NEIL3: variants seen among roughly 807,000 people sequenced by gnomAD.
The protein encoded by NEIL3 is nei like DNA glycosylase 3.
A neutral mutation model predicts 57.5 loss-of-function variants in NEIL3; 48 were observed. The observed-to-expected ratio is 0.83, with a 90% CI of 0.66 to 1.06. NEIL3 has a LOEUF of 1.06. NEIL3 is among the 50% of genes least tolerant of loss of function. NEIL3 has a pLI of 0.00. For synonymous variants in NEIL3, 261 were observed against 253.2 expected (o/e 1.03, Z -0.29); for missense variants, 717 against 739.1 (o/e 0.97, Z 0.35).
At chr4:177,368,010 G>A in the NEIL3 span, among the ~76,000 whole-genome samples, 1 of 152,190 alleles carries the variant, frequency 6.6e-6, no homozygotes, top group Admixed American at 6.5e-5. Context: ...ACAAGCCATG[G>A]TTTGAATGAA....
At chr4:177,327,344 G>A (rs893555567) in intron 2 of NEIL3, among the ~76,000 whole-genome samples, 2 of 151,932 alleles carry the variant, frequency 1.3e-5, no homozygotes, top group African/African-American at 2.4e-5. Flanking sequence ...TATACTTTTA[G>A]TATTTTCTAT....
rs139281889 is a variant in NEIL3 at position 177,311,224 on chromosome 4, C to A, written c.156+1115C>A. ...ACCTGGGGAGCAAAAACAAATACTT[C>A]CTCTTTTGGAGCCTATACTTCAGTT... On this transcript the variant is annotated intron_variant, in intron 1 of 9. Transcript: ENST00000264596. Among the ~76,000 whole-genome samples the A allele has an allele frequency of 1.8e-3, 280 of 152,144 alleles. 2 individuals are homozygous for A. The highest frequency in any genetic ancestry group is 3.4e-3 in the Middle Eastern group (1 of 294).
At chr4:177,323,182 A>G (rs933509243) in intron 2 of NEIL3, among the ~76,000 whole-genome samples, 1 of 152,204 alleles carries the variant, frequency 6.6e-6, no homozygotes, top group Non-Finnish European at 1.5e-5. Context: ...ATTGTGATGC[A>G]TGATCACATG....
At chr4:177,326,816 T>C (rs1018523231) in intron 2 of NEIL3, among the ~76,000 whole-genome samples, 8 of 152,208 alleles carry the variant, frequency 5.3e-5, no homozygotes, top group African/African-American at 1.9e-4. Flanking sequence ...GGGTACTTTT[T>C]TAAAATTTGA....
At chr4:177,370,437 A>C in the NEIL3 span, among the ~76,000 whole-genome samples, 1 of 152,224 alleles carries the variant, frequency 6.6e-6, no homozygotes, top group South Asian at 2.1e-4. Context: ...AAGTAGTTCC[A>C]GAGTCACATT....
At chr4:177,315,822 A>G (rs1193568914) in intron 1 of NEIL3, among the ~76,000 whole-genome samples, 1 of 152,208 alleles carries the variant, frequency 6.6e-6, no homozygotes, top group Non-Finnish European at 1.5e-5. Context: ...TATCCCAAGT[A>G]TATTATCCAG....
downstream of NEIL3, among the ~76,000 whole-genome samples, chr4:177,363,925 A>G (rs976065673): frequency 9.9e-5 from 15 of 151,938 alleles, no homozygotes; most frequent in African/African-American, 3.4e-4. Flanking sequence ...TAATTTTTGT[A>G]TTTTTTGTAG....
rs35737622 is a variant in NEIL3 at position 177,335,824 on chromosome 4, T to TAA, written c.413+9_413+10dup. 2.6e-6 allele frequency: 4 copies of TAA among 1,525,592 alleles called. No individual in the cohort carries two copies. Among genetic ancestry groups the TAA allele is most frequent in the Non-Finnish European group, 3.5e-6 (4 of 1,141,980 alleles). 94.5% of individuals were successfully genotyped at this position (1,525,592 alleles called of 1,614,324 possible). Reference sequence around the variant, plus strand: ...CTTTGACTCATCAGTAGAACTCAGGTAAAAAAAATTAAATAAAAGTACTTA... The same window carrying TAA: ...CTTTGACTCATCAGTAGAACTCAGGTAAAAAAAAAATTAAATAAAAGTACTTA... On this transcript the variant is annotated splice_region_variant and intron_variant, in intron 3 of 9. Transcript: ENST00000264596.
chr4:177,332,524 A>T (rs1456007441), intron 2 of NEIL3, among the ~76,000 whole-genome samples: 1 of 152,164 alleles, frequency 6.6e-6, no homozygotes, highest in Non-Finnish European at 1.5e-5. Context: ...CCAGCAGCTT[A>T]AAGACTTTTT....
chr4:177,358,615 T>G (rs997982332), intron 8 of NEIL3, among the ~76,000 whole-genome samples: 2 of 152,164 alleles, frequency 1.3e-5, no homozygotes, highest in African/African-American at 4.8e-5. Context: ...CCTGTGGCTA[T>G]GTTTTTAATT....
At chr4:177,311,248 T>A (rs1404430134) in intron 1 of NEIL3, among the ~76,000 whole-genome samples, 3 of 152,102 alleles carry the variant, frequency 2.0e-5, no homozygotes, top group Non-Finnish European at 4.4e-5. Flanking sequence ...TATACTTCAG[T>A]TGGGAAGACA....
intron 2 of NEIL3, among the ~76,000 whole-genome samples, chr4:177,331,010 A>T (rs1196751865): frequency 6.6e-6 from 1 of 152,234 alleles, no homozygotes; most frequent in Non-Finnish European, 1.5e-5. Flanking sequence ...TTGAATAGAA[A>T]TAGGACACTA....
At chr4:177,340,739 A>T (rs550959817) in intron 5 of NEIL3, among the ~76,000 whole-genome samples, 9 of 152,248 alleles carry the variant, frequency 5.9e-5, no homozygotes, top group African/African-American at 2.2e-4. Flanking sequence ...TTCAGCTCAT[A>T]CGTGGTGAGC....
In NEIL3 at chr4:177,357,304, C is replaced by T. The variant is rs558602612; in HGVS notation, c.1461-3199C>T. 1.1e-4 allele frequency among the ~76,000 whole-genome samples: 17 copies of T among 152,212 alleles called. No individual in the cohort carries two copies. In the East Asian group the frequency reaches 1.5e-3, roughly 14 times the overall value. On this transcript the variant is annotated intron_variant, in intron 8 of 9. Coordinates refer to ENST00000264596, the MANE Select transcript of NEIL3 (RefSeq NM_018248.3). The stretch of plus-strand genomic sequence containing the variant: ...TCCAACCATAGGCTTGTGGGCTGGA[C>T]GGCTTTGAATGCAGCCCAACACAAA...
chr4:177,328,879 G>A (rs1166313184), intron 2 of NEIL3, among the ~76,000 whole-genome samples: 1 of 152,116 alleles, frequency 6.6e-6, no homozygotes, highest in Admixed American at 6.5e-5. Context: ...TAGTACAAAT[G>A]AGATAGGAAA....
intron 6 of NEIL3, among the ~76,000 whole-genome samples, chr4:177,346,467 C>T (rs576913160): frequency 4.3e-4 from 66 of 152,286 alleles, no homozygotes; most frequent in Admixed American, 5.9e-4. Context: ...CCGTGCCAGC[C>T]GACTCAGTTG....
At position 177,335,834 on chromosome 4, in the gene NEIL3, TAAATA is replaced by T; in HGVS notation, c.413+16_413+20del. On this transcript the variant is annotated intron_variant, in intron 3 of 9. Coordinates refer to ENST00000264596, the MANE Select transcript of NEIL3 (RefSeq NM_018248.3). ...TCAGTAGAACTCAGGTAAAAAAAAT[TAAATA>T]AAAGTACTTACGCTGCAATACTGCA... The T allele has an allele frequency of 6.6e-7, 1 of 1,524,168 alleles. No homozygotes were observed. Among genetic ancestry groups the T allele is most frequent in the Non-Finnish European group, 8.8e-7 (1 of 1,141,166 alleles). 94.4% of individuals were successfully genotyped at this position (1,524,168 alleles called of 1,614,324 possible).
intron 2 of NEIL3, among the ~76,000 whole-genome samples, 166 bp downstream of exon 2, chr4:177,322,746 C>A (rs1734711988): frequency 6.6e-6 from 1 of 152,100 alleles, no homozygotes; most frequent in Non-Finnish European, 1.5e-5. Context: ...CAATAAACAG[C>A]AGAAGAATAA....
intron 1 of NEIL3, among the ~76,000 whole-genome samples, chr4:177,318,847 G>A (rs1366702460): frequency 2.6e-5 from 4 of 152,066 alleles, no homozygotes; most frequent in African/African-American, 7.2e-5. Flanking sequence ...AACTCCACGA[G>A]GGCAGCTGGT....
Sources: gnomAD v4.1 joint callset for allele counts (sites outside exome capture counted in the v4.1 genomes callset) on GRCh38, gnomAD v4.1.1 for gene constraint, MANE v1.5 for transcripts, NCBI Gene and HGNC (gene_info 2026-07-23, HGNC 2026-07-21) for gene names.